The following PCDHA11 variants were observed in gnomAD, a reference collection of about 807,000 sequenced individuals.
The protein encoded by PCDHA11 is protocadherin alpha 11.
In PCDHA11, 61 loss-of-function variants were observed where a neutral mutation model predicts 70.3. That is an observed-to-expected ratio of 0.87 (90% CI 0.71 to 1.07). The LOEUF (loss-of-function observed/expected upper bound fraction) is 1.07. PCDHA11 is among the 50% of genes least tolerant of loss of function. The pLI, the probability that PCDHA11 is intolerant of heterozygous loss-of-function variation, is 0.00. For missense variants in PCDHA11, 1,324 were observed against 1,237.5 expected (o/e 1.07, Z -1.05); for synonymous variants, 633 against 555.1 (o/e 1.14, Z -1.97).
At position 141,004,143 on chromosome 5, in the gene PCDHA11, C is replaced by T. The variant is rs1023273119; in HGVS notation, c.2540-5484C>T. 2.6e-5 allele frequency among the ~76,000 whole-genome samples: 4 copies of T among 152,252 alleles called. No homozygotes were observed. In the East Asian group the frequency reaches 7.7e-4, roughly 29 times the overall value. ...TATCTCCATGATTCTGCCCCAAAGG[C>T]ATGACATTTTATAGGCAAAGCCAGC... On this transcript the variant is annotated intron_variant, in intron 3 of 3. Transcript: ENST00000398640.
intron 3 of PCDHA11, among the ~76,000 whole-genome samples, chr5:141,008,882 A>G (rs2098393885): frequency 6.6e-6 from 1 of 152,170 alleles, no homozygotes; most frequent in Non-Finnish European, 1.5e-5. Flanking sequence ...ACCACCCTTC[A>G]ATGTTATTAC....
At chr5:140,882,855 T>C in intron 1 of PCDHA11, 1 of 1,614,230 alleles carries the variant, frequency 6.2e-7, no homozygotes, top group Non-Finnish European at 8.5e-7. Context: ...TCACTTGTAC[T>C]GAGGAAAACA....
At chr5:140,924,096 T>A (rs1044149112) in intron 1 of PCDHA11, among the ~76,000 whole-genome samples, 1 of 152,222 alleles carries the variant, frequency 6.6e-6, no homozygotes, top group Non-Finnish European at 1.5e-5. Flanking sequence ...AAAGAATAAA[T>A]TTTCATTCCA....
chr5:140,876,370 G>A, intron 1 of PCDHA11: 1 of 1,613,946 alleles, frequency 6.2e-7, no homozygotes, highest in Non-Finnish European at 8.5e-7. Flanking sequence ...TCCAGACACA[G>A]GTGAAATTAG....
chr5:140,968,935 C>T, intron 1 of PCDHA11: 1 of 1,614,172 alleles, frequency 6.2e-7, no homozygotes, highest in Non-Finnish European at 8.5e-7. Context: ...TTTTGACAAT[C>T]ATCATTTTGA....
At chr5:140,876,918 G>A (rs2056694252) in intron 1 of PCDHA11, 4 of 1,613,936 alleles carry the variant, frequency 2.5e-6, no homozygotes, top group East Asian at 2.2e-5. Context: ...CATGGGACGC[G>A]GACGCGCAGA....
intron 1 of PCDHA11, chr5:140,966,785 A>G: frequency 6.6e-7 from 1 of 1,522,872 alleles, no homozygotes. Flanking sequence ...GGCGGGCACC[A>G]GACCTGCGGC....
intron 3 of PCDHA11, among the ~76,000 whole-genome samples, chr5:140,987,294 C>A (rs1406567852): frequency 6.6e-6 from 1 of 152,004 alleles, no homozygotes; most frequent in Non-Finnish European, 1.5e-5. Context: ...AACAAGCCTT[C>A]TATGTGATAC....
chr5:140,896,764 G>C (rs2153454405), intron 1 of PCDHA11, among the ~76,000 whole-genome samples: 1 of 152,136 alleles, frequency 6.6e-6, no homozygotes, highest in East Asian at 1.9e-4. Context: ...GACCTTTGTT[G>C]GATGCATAGT....
intron 1 of PCDHA11, among the ~76,000 whole-genome samples, chr5:140,939,048 A>T (rs931079281): frequency 1.3e-5 from 2 of 152,180 alleles, no homozygotes; most frequent in Admixed American, 6.5e-5. Flanking sequence ...GTCTTAGTCC[A>T]TTTGGGCTGC....
chr5:140,878,001 T>C (rs2057434893), intron 1 of PCDHA11: 6 of 1,018,808 alleles, frequency 5.9e-6, no homozygotes, highest in South Asian at 4.4e-5. Flanking sequence ...TATGTATTTG[T>C]CTAACATTAA....
At chr5:140,883,834 G>A (rs891069385) in intron 1 of PCDHA11, 1 of 1,612,658 alleles carries the variant, frequency 6.2e-7, no homozygotes, top group Non-Finnish European at 8.5e-7. Context: ...CGCTGCAGCC[G>A]TTGGACCACG....
chr5:140,998,446 T>C (rs1266567801), intron 3 of PCDHA11, among the ~76,000 whole-genome samples: 1 of 152,248 alleles, frequency 6.6e-6, no homozygotes, highest in African/African-American at 2.4e-5. Flanking sequence ...TTATTGTATT[T>C]ATTCATTTAC....
chr5:140,979,329 C>T (rs782808442), intron 2 of PCDHA11, among the ~76,000 whole-genome samples: 3 of 152,162 alleles, frequency 2.0e-5, no homozygotes, highest in Non-Finnish European at 2.9e-5. Flanking sequence ...TTCTTTTCCT[C>T]CTTTAAAAAC....
intron 3 of PCDHA11, among the ~76,000 whole-genome samples, chr5:140,983,261 CT>C (rs1240749572): frequency 7.9e-5 from 12 of 152,158 alleles, no homozygotes; most frequent in Admixed American, 7.9e-4. Context: ...TGTAAAAAAC[CT>C]AATGGCTGGG....
rs781984897 is a variant in PCDHA11, at chr5:140,870,542, A to T, written c.1439A>T (p.Asp480Val). 1.2e-6 allele frequency: 2 copies of T among 1,614,132 alleles called. No individual in the cohort carries two copies. The highest frequency in any genetic ancestry group is 1.7e-6 in the Non-Finnish European group (2 of 1,180,034). The change falls in exon 1 of 4, where the codon GAC becomes GTC. Residue 480 changes from aspartate (D) to valine (V), a missense_variant. By Grantham distance (152) the Asp-to-Val change is radical. Coordinates refer to ENST00000398640, the MANE Select transcript of PCDHA11 (RefSeq NM_018902.5). ...GCHIFTVSAR[D>V]ADAQENALVS... ...CACATCTTCACAGTGTCGGCGCGGG[A>T]CGCGGACGCGCAGGAGAACGCGCTG...
chr5:140,979,383 T>C (rs2096847136), intron 2 of PCDHA11, among the ~76,000 whole-genome samples: 1 of 152,220 alleles, frequency 6.6e-6, no homozygotes, highest in Admixed American at 6.5e-5. Context: ...CATTGTGCAA[T>C]GTATACATAC....
chr5:140,968,918 A>G, intron 1 of PCDHA11: 1 of 1,614,164 alleles, frequency 6.2e-7, no homozygotes, highest in Non-Finnish European at 8.5e-7. Context: ...AGTGTCTTTT[A>G]TATTTCTTTT....
chr5:140,927,948 C>G, intron 1 of PCDHA11: 4 of 1,614,190 alleles, frequency 2.5e-6, no homozygotes, highest in Non-Finnish European at 3.4e-6. Flanking sequence ...TACCTGAGGA[C>G]GCTGCCCCTG....
Sources: gnomAD v4.1 joint callset for allele counts (sites outside exome capture counted in the v4.1 genomes callset) on GRCh38, gnomAD v4.1.1 for gene constraint, MANE v1.5 for transcripts, NCBI Gene and HGNC (gene_info 2026-07-23, HGNC 2026-07-21) for gene names.